ARHGEF12: variants seen among roughly 807,000 people sequenced by gnomAD.
ARHGEF12 encodes the protein KMT2A/ARHGEF12 fusion protein.
A neutral mutation model predicts 211.2 loss-of-function variants in ARHGEF12; 66 were observed. The observed-to-expected ratio is 0.31, with a 90% CI of 0.26 to 0.38. The LOEUF (loss-of-function observed/expected upper bound fraction) is 0.38. Ranked by LOEUF, ARHGEF12 falls within the 10% of genes least tolerant of loss-of-function variation. The pLI is 1.00. For missense variants in ARHGEF12, 1,429 were observed against 1,869.5 expected, an observed-to-expected ratio of 0.76 and a Z score of 4.34; for synonymous variants, 592 against 638.4, an observed-to-expected ratio of 0.93 and a Z score of 1.09.
chr11:120,389,391 C>G (rs1429117584), intron 1 of ARHGEF12, among the ~76,000 whole-genome samples: 1 of 152,148 alleles, frequency 6.6e-6, no homozygotes, highest in East Asian at 1.9e-4. Context: ...CCCAAGGTCA[C>G]ACCTCTTTGC....
chr11:120,483,867 G>A (rs1302493882), intron 39 of ARHGEF12, among the ~76,000 whole-genome samples: 1 of 152,138 alleles, frequency 6.6e-6, no homozygotes, highest in Non-Finnish European at 1.5e-5. Flanking sequence ...GCCTGCCTCG[G>A]CCTCCCAAAG....
chr11:120,347,805 C>CT (rs891472179), intron 1 of ARHGEF12, among the ~76,000 whole-genome samples: 3 of 151,892 alleles, frequency 2.0e-5, no homozygotes, highest in Non-Finnish European at 2.9e-5. Context: ...ACAGGACATT[C>CT]TTTTTTTGGG....
chr11:120,459,766 T>A (rs1946470779), intron 26 of ARHGEF12, among the ~76,000 whole-genome samples: 1 of 152,206 alleles, frequency 6.6e-6, no homozygotes, highest in Admixed American at 6.5e-5. Flanking sequence ...TGGAGTGCAG[T>A]GGTGCAGTCT....
intron 1 of ARHGEF12, among the ~76,000 whole-genome samples, chr11:120,364,728 A>G (rs1207389522): frequency 2.0e-5 from 3 of 152,160 alleles, no homozygotes; most frequent in Non-Finnish European, 2.9e-5. Flanking sequence ...TGTGAAAAGT[A>G]TGGGATAAAA....
Position 120,487,509 on chromosome 11 carries a change from TC to T in ARHGEF12, c.*2434del, listed in dbSNP as rs376118241. 1,164 of 214,894 alleles carry T rather than the reference TC, an allele frequency of 5.4e-3. 18 individuals are homozygous for T. The highest frequency in any genetic ancestry group is 0.024 in the African/African-American group (1,079 of 44,416). The allele number at this position is 214,894 out of a possible 1,614,324, so 13.3% of individuals were successfully genotyped here. A position where few individuals can be genotyped will look rare whatever the true frequency, so the allele number is the denominator to read the frequency against. ...TTTCATTTTGGCCATTATAGTCACA[TC>T]CGTTTGACTTTGGTTGTGACATCTT... is the stretch of plus-strand genomic sequence containing the variant. On this transcript the variant is annotated 3_prime_UTR_variant, in exon 41 of 41. Coordinates refer to ENST00000397843, the MANE Select transcript of ARHGEF12 (RefSeq NM_015313.3).
rs527630803 is a variant in ARHGEF12, at chr11:120,441,698, T to C, written c.1093-9T>C. On this transcript the variant is annotated splice_polypyrimidine_tract_variant and intron_variant, in intron 13 of 40. Coordinates refer to ENST00000397843, the MANE Select transcript of ARHGEF12 (RefSeq NM_015313.3). ...GGAGTTACTGATGCATAATCATTTC[T>C]TCCTCTAGATCAATGGACAGTGCAG... is the stretch of plus-strand genomic sequence containing the variant. 14 of 1,608,410 alleles carry C rather than the reference T, an allele frequency of 8.7e-6. No individual in the cohort carries two copies. The African/African-American group carries it at 1.9e-4, about 21-fold the overall frequency.
chr11:120,476,746 T>C lies in ARHGEF12; in HGVS notation c.3363T>C (p.Thr1121=). The C allele has an allele frequency of 6.2e-7, 1 of 1,608,248 alleles. No homozygotes were observed. Among genetic ancestry groups the C allele is most frequent in the Non-Finnish European group, 8.5e-7 (1 of 1,175,522 alleles). Residue 1121 remains threonine, a splice_region_variant and synonymous_variant, in exon 34 of 41, where the codon ACT becomes ACC. Coordinates refer to ENST00000397843, the MANE Select transcript of ARHGEF12 (RefSeq NM_015313.3). Reference sequence around the variant, plus strand: ...TGGCACAGACAGTTTCTGAAAAGACTGTGTATGTATCAGATATGGCTACCT... The same window carrying C: ...TGGCACAGACAGTTTCTGAAAAGACCGTGTATGTATCAGATATGGCTACCT... ...ELVAQTVSEK[T]VWQDLICRMA... is the part of the protein sequence containing the mutation.
intron 1 of ARHGEF12, among the ~76,000 whole-genome samples, chr11:120,339,921 C>G (rs572952153): frequency 7.9e-5 from 12 of 152,224 alleles, no homozygotes; most frequent in African/African-American, 2.9e-4. Flanking sequence ...CTTTTACTCC[C>G]CAGTCCGCAC....
In ARHGEF12 at chr11:120,487,306, C is replaced by T. The variant is rs1947422845; in HGVS notation, c.*2229C>T. On this transcript the variant is annotated 3_prime_UTR_variant, in exon 41 of 41. Coordinates refer to ENST00000397843, the MANE Select transcript of ARHGEF12 (RefSeq NM_015313.3). ...CTCCTTGGAACTCTAACAGGACTAA[C>T]TGGAAAAATACTTTGACCATAGCTC... is the stretch of plus-strand genomic sequence containing the variant. 4.5e-6 allele frequency: 1 copy of T among 219,816 alleles called. No homozygotes were observed. The highest frequency in any genetic ancestry group is 9.1e-6 in the Non-Finnish European group (1 of 109,758). The allele number at this position is 219,816 out of a possible 1,614,324, so 13.6% of individuals were successfully genotyped here.
chr11:120,348,524 T>C (rs1366732519), intron 1 of ARHGEF12, among the ~76,000 whole-genome samples: 1 of 152,174 alleles, frequency 6.6e-6, no homozygotes, highest in Non-Finnish European at 1.5e-5. Context: ...TGCACAAAAT[T>C]ATTTACAGTA....
intron 1 of ARHGEF12, among the ~76,000 whole-genome samples, chr11:120,383,134 G>A (rs943182887): frequency 6.6e-5 from 10 of 151,814 alleles, no homozygotes; most frequent in Non-Finnish European, 1.2e-4. Flanking sequence ...GCCAGACTCC[G>A]TCTCAAAAAA....
chr11:120,358,512 A>G (rs952172453), intron 1 of ARHGEF12, among the ~76,000 whole-genome samples: 1 of 152,194 alleles, frequency 6.6e-6, no homozygotes, highest in Non-Finnish European at 1.5e-5. Flanking sequence ...AAGTTACTAA[A>G]TCTTTAGTTT....
chr11:120,454,703 C>A (rs1392468189), intron 22 of ARHGEF12, among the ~76,000 whole-genome samples: 1 of 152,234 alleles, frequency 6.6e-6, no homozygotes, highest in Non-Finnish European at 1.5e-5. Flanking sequence ...TGTGCCCACT[C>A]AGGTGGCTGT....
chr11:120,377,712 C>G (rs938605568), intron 1 of ARHGEF12, among the ~76,000 whole-genome samples: 2 of 152,076 alleles, frequency 1.3e-5, no homozygotes, highest in African/African-American at 4.8e-5. Flanking sequence ...GTTCCTTTTT[C>G]TTACCATAAT....
intron 15 of ARHGEF12, 129 bp downstream of exon 15, chr11:120,442,331 A>T: frequency 1.8e-6 from 1 of 567,510 alleles, no homozygotes; most frequent in Non-Finnish European, 2.8e-6. Flanking sequence ...TATTTCAATT[A>T]TTGATTACTC....
At chr11:120,477,893 A>AAAAGAAAAG (rs1565514027) in intron 36 of ARHGEF12, among the ~76,000 whole-genome samples, 3 of 148,846 alleles carry the variant, frequency 2.0e-5, no homozygotes, top group South Asian at 5.8e-4. Flanking sequence ...GAAAAAAAAG[A>AAAAGAAAAG]AAATAAAATA....
chr11:120,337,377 CA>C (rs924921842), intron 1 of ARHGEF12, 102 bp downstream of exon 1: 1 of 1,584,736 alleles, frequency 6.3e-7, no homozygotes, highest in Admixed American at 1.8e-5. Flanking sequence ...AGTTGACAGG[CA>C]GAGGAAAGAG....
chr11:120,480,344 C>T lies in ARHGEF12; in HGVS notation c.4151C>T (p.Ala1384Val), dbSNP rs368422427. Residue 1384 changes from alanine (A) to valine (V), a missense_variant, in exon 38 of 41, where the codon GCC becomes GTC. Physicochemically the swap from Ala to Val is moderately conservative, Grantham distance 64. This residue lies in a region of ARHGEF12 where 467 missense variants were observed against 468.4 expected (regional missense o/e 1.00). Transcript: ENST00000397843. ...LDDSGEHFFD[A>V]REAHSDENPS... ...GACAGTGGAGAGCACTTTTTTGATG[C>T]CCGTGAAGCACATAGTGATGAGAAT... 6.2e-7 allele frequency: 1 copy of T among 1,614,056 alleles called. No individual in the cohort carries two copies. The highest frequency in any genetic ancestry group is 8.5e-7 in the Non-Finnish European group (1 of 1,180,010).
At chr11:120,338,827 A>G (rs1942438426) in intron 1 of ARHGEF12, among the ~76,000 whole-genome samples, 1 of 152,196 alleles carries the variant, frequency 6.6e-6, no homozygotes, top group South Asian at 2.1e-4. Context: ...TTCCACACAC[A>G]AGTGAGTGAA....
Sources: gnomAD v4.1 joint callset for allele counts (sites outside exome capture counted in the v4.1 genomes callset) on GRCh38, gnomAD v4.1.1 for gene constraint, gnomAD v4.1.1 regional missense constraint, MANE v1.5 for transcripts, NCBI Gene and HGNC (gene_info 2026-07-23, HGNC 2026-07-21) for gene names.